EHBP1: variants seen among roughly 807,000 people sequenced by gnomAD.
EHBP1 encodes the protein EH domain binding protein 1.
EHBP1 carries 55 observed loss-of-function variants against 144.0 expected under a neutral mutation model. The ratio of observed to expected loss-of-function variants is 0.38; its 90% CI spans 0.31 to 0.48. The LOEUF (loss-of-function observed/expected upper bound fraction) is 0.48, where lower values mean the gene tolerates loss of function less well. Among genes scored for constraint, EHBP1 ranks in the 20% least tolerant of loss-of-function variants. The pLI is 0.98. For synonymous variants in EHBP1, 469 were observed against 472.7 expected (o/e 0.99, Z 0.10); for missense variants, 1,200 against 1,364.2 (o/e 0.88, Z 1.90).
rs778709700 is a variant in EHBP1 at position 62,826,286 on chromosome 2, A to T, written c.494+18A>T. ...AAAGCCACGTAAGTTTCTTTTGTCAAATAAGCTTCCTTACATTGTGTTTCA... is the reference window on the plus strand; with the variant it reads ...AAAGCCACGTAAGTTTCTTTTGTCATATAAGCTTCCTTACATTGTGTTTCA... On this transcript the variant is annotated intron_variant, in intron 6 of 22. Transcript: ENST00000431489. 7.6e-6 allele frequency: 12 copies of T among 1,579,940 alleles called. No homozygotes were observed. In the South Asian group the frequency reaches 1.4e-4, roughly 19 times the overall value.
At chr2:62,700,527 A>G (rs996865141) in intron 1 of EHBP1, among the ~76,000 whole-genome samples, 3 of 152,002 alleles carry the variant, frequency 2.0e-5, no homozygotes, top group African/African-American at 7.3e-5. Context: ...AGCCAGCTCC[A>G]TGGATTGTTG....
At chr2:62,880,731 AT>A (rs2051333902) in intron 10 of EHBP1, among the ~76,000 whole-genome samples, 1 of 152,218 alleles carries the variant, frequency 6.6e-6, no homozygotes, top group East Asian at 1.9e-4. Flanking sequence ...CAGAATGGCT[AT>A]CATTAAAAAG....
At chr2:63,002,026 T>C (rs1446079621) in intron 19 of EHBP1, among the ~76,000 whole-genome samples, 1 of 152,158 alleles carries the variant, frequency 6.6e-6, no homozygotes, top group African/African-American at 2.4e-5. Context: ...CAGTATTTCT[T>C]TACCCTGGTC....
intron 3 of EHBP1, among the ~76,000 whole-genome samples, chr2:62,750,130 G>A (rs1408051764): frequency 6.6e-6 from 1 of 152,164 alleles, no homozygotes. Context: ...TAACATTTAA[G>A]TCTTTAATCC....
intron 3 of EHBP1, among the ~76,000 whole-genome samples, chr2:62,752,593 A>T (rs539251907): frequency 6.6e-6 from 1 of 152,228 alleles, no homozygotes; most frequent in East Asian, 1.9e-4. Flanking sequence ...GAAGTCTCCC[A>T]TTATTATTGT....
At chr2:62,940,574 G>T (rs1375774784) in intron 10 of EHBP1, among the ~76,000 whole-genome samples, 2 of 152,104 alleles carry the variant, frequency 1.3e-5, no homozygotes, top group Non-Finnish European at 2.9e-5. Context: ...TGTACTGAAG[G>T]TTTCAAAATG....
At chr2:62,806,685 C>T (rs978575456) in intron 5 of EHBP1, among the ~76,000 whole-genome samples, 2 of 151,998 alleles carry the variant, frequency 1.3e-5, no homozygotes, top group South Asian at 2.1e-4. Context: ...TCTATGATTC[C>T]ACTTTCTTTC....
chr2:62,943,180 C>A (rs1180005884), intron 11 of EHBP1, among the ~76,000 whole-genome samples: 1 of 152,092 alleles, frequency 6.6e-6, no homozygotes, highest in Non-Finnish European at 1.5e-5. Flanking sequence ...AGTTTGAGAC[C>A]AGCCTGACCA....
At chr2:62,880,624 C>G (rs1483457413) in intron 10 of EHBP1, among the ~76,000 whole-genome samples, 1 of 152,102 alleles carries the variant, frequency 6.6e-6, no homozygotes, top group African/African-American at 2.4e-5. Context: ...AGAATACATA[C>G]ATGTGGCCAT....
intron 15 of EHBP1, among the ~76,000 whole-genome samples, chr2:62,979,969 GA>G (rs1450223530): frequency 6.6e-6 from 1 of 152,130 alleles, no homozygotes; most frequent in Non-Finnish European, 1.5e-5. Context: ...ACATTTTTAA[GA>G]GAGGTATATT....
At chr2:62,741,618 A>C (rs942612988) in intron 2 of EHBP1, among the ~76,000 whole-genome samples, 3 of 152,086 alleles carry the variant, frequency 2.0e-5, no homozygotes, top group African/African-American at 7.2e-5. Flanking sequence ...TCATTTGATA[A>C]ATTAGGGAAT....
chr2:62,934,245 A>G (rs748441032), intron 10 of EHBP1, among the ~76,000 whole-genome samples: 13 of 152,170 alleles, frequency 8.5e-5, no homozygotes, highest in Non-Finnish European at 1.9e-4. Context: ...ATTTAATCTC[A>G]ATTAAGAGAC....
At chr2:62,924,156 C>T (rs1194855780) in intron 10 of EHBP1, among the ~76,000 whole-genome samples, 1 of 152,204 alleles carries the variant, frequency 6.6e-6, no homozygotes, top group Non-Finnish European at 1.5e-5. Context: ...ACAGGCAACC[C>T]CTGGTGGGCA....
chr2:63,032,261 T>TAA (rs920748022), intron 19 of EHBP1, among the ~76,000 whole-genome samples: 2 of 135,096 alleles, frequency 1.5e-5, no homozygotes, highest in Admixed American at 7.4e-5. Context: ...TAAAATGATT[T>TAA]AAAAAAAAAA....
chr2:62,769,184 A>C (rs2041434357), intron 4 of EHBP1, among the ~76,000 whole-genome samples: 1 of 152,198 alleles, frequency 6.6e-6, no homozygotes, highest in Non-Finnish European at 1.5e-5. Flanking sequence ...GAAAGAAATA[A>C]AGCGCATCCA....
chr2:63,029,246 G>A lies in EHBP1; in HGVS notation c.3104-8289G>A, dbSNP rs138473529. On this transcript the variant is annotated intron_variant, in intron 19 of 22. Transcript: ENST00000431489. ...ACACTGCTGACCCTGTAGGGCATCT[G>A]CTTTGTTTTTCCAGCTGCAGAGATG... Among the ~76,000 whole-genome samples, 413 of 151,974 alleles carry A rather than the reference G, an allele frequency of 2.7e-3. 2 individuals carry two copies. Among genetic ancestry groups the A allele is most frequent in the Non-Finnish European group, 4.5e-3 (309 of 67,978 alleles).
At chr2:62,852,951 G>A (rs149507299) in intron 7 of EHBP1, among the ~76,000 whole-genome samples, 1,720 of 152,216 alleles carry the variant, frequency 0.011, 12 homozygotes, top group Non-Finnish European at 0.018. Context: ...TTCAAATTGG[G>A]ATTAAAAAGT....
chr2:62,890,607 G>A lies in EHBP1; in HGVS notation c.1185+16075G>A, dbSNP rs569637981. Reference sequence around the variant, plus strand: ...TGATTTTGTATCCTGAGATTTAGCTGAAGTTATTTATTAGCTAAAGAAACT... The same window carrying A: ...TGATTTTGTATCCTGAGATTTAGCTAAAGTTATTTATTAGCTAAAGAAACT... On this transcript the variant is annotated intron_variant, in intron 10 of 22. Coordinates refer to ENST00000431489, the MANE Select transcript of EHBP1 (RefSeq NM_001142616.3). Among the ~76,000 whole-genome samples the A allele has an allele frequency of 1.2e-4, 19 of 152,296 alleles. 1 individual carries two copies. The South Asian group carries it at 3.5e-3, about 28-fold the overall frequency.
chr2:62,901,799 C>G (rs1165881100), intron 10 of EHBP1, among the ~76,000 whole-genome samples: 1 of 151,884 alleles, frequency 6.6e-6, no homozygotes, highest in Non-Finnish European at 1.5e-5. Context: ...AACCCTATCT[C>G]TACAAAAAAT....
Sources: allele counts gnomAD v4.1 joint callset (sites outside exome capture counted in the v4.1 genomes callset), GRCh38; gene constraint gnomAD v4.1.1; transcripts MANE v1.5; gene names NCBI Gene and HGNC (gene_info 2026-07-23, HGNC 2026-07-21).